The following PCCA variants were observed in gnomAD, a reference collection of about 807,000 sequenced individuals.
The protein encoded by PCCA is propionyl-CoA carboxylase alpha chain, mitochondrial.
A neutral mutation model predicts 101.3 loss-of-function variants in PCCA; 74 were observed. The ratio of observed to expected loss-of-function variants is 0.73; its 90% CI spans 0.61 to 0.89. PCCA has a LOEUF of 0.89. Among genes scored for constraint, PCCA ranks in the 40% least tolerant of loss-of-function variants. The probability of loss-of-function intolerance (pLI) is 0.00; values close to 1 mark genes in which losing one functional copy is unlikely to be tolerated. For synonymous variants in PCCA, 294 were observed against 313.6 expected (o/e 0.94, Z 0.66); for missense variants, 891 against 907.0 (o/e 0.98, Z 0.23).
intron 6 of PCCA, among the ~76,000 whole-genome samples, chr13:100,184,321 G>A (rs2057058529): frequency 6.6e-6 from 1 of 152,178 alleles, no homozygotes; most frequent in Admixed American, 6.5e-5. Context: ...ACAGTGTCTG[G>A]CTCATATATA....
intron 12 of PCCA, among the ~76,000 whole-genome samples, chr13:100,295,837 C>T (rs1245011873): frequency 6.6e-6 from 1 of 152,206 alleles, no homozygotes; most frequent in Non-Finnish European, 1.5e-5. Flanking sequence ...CAAGTTAACA[C>T]ACACTGCGTC....
intron 4 of PCCA, among the ~76,000 whole-genome samples, chr13:100,141,281 C>T (rs2051837940): frequency 6.6e-6 from 1 of 152,132 alleles, no homozygotes; most frequent in African/African-American, 2.4e-5. Flanking sequence ...TCCACCATTT[C>T]GAATGTACTC....
chr13:100,406,533 C>T (rs1379382684), intron 19 of PCCA, among the ~76,000 whole-genome samples: 2 of 152,136 alleles, frequency 1.3e-5, no homozygotes, highest in African/African-American at 4.8e-5. Context: ...GGAGAAACCC[C>T]ATCTCTACTA....
At chr13:100,257,407 T>C (rs1045873265) in intron 8 of PCCA, among the ~76,000 whole-genome samples, 188 bp from the exon 9 acceptor site, 1 of 152,138 alleles carries the variant, frequency 6.6e-6, no homozygotes, top group East Asian at 1.9e-4. Flanking sequence ...ATGGTCACAC[T>C]CTCATTTTTT....
At chr13:100,516,188 T>C (rs2086819056) in intron 22 of PCCA, among the ~76,000 whole-genome samples, 1 of 152,218 alleles carries the variant, frequency 6.6e-6, no homozygotes, top group African/African-American at 2.4e-5. Flanking sequence ...TAGAAATCTC[T>C]ACTGATGAGC....
chr13:100,414,225 C>T (rs748260540), intron 19 of PCCA, among the ~76,000 whole-genome samples: 1 of 152,080 alleles, frequency 6.6e-6, no homozygotes, highest in Non-Finnish European at 1.5e-5. Context: ...GTCATTATTA[C>T]ATATATATTT....
At chr13:100,346,962 C>T (rs2152766513) in intron 18 of PCCA, among the ~76,000 whole-genome samples, 1 of 152,214 alleles carries the variant, frequency 6.6e-6, no homozygotes, top group East Asian at 1.9e-4. Flanking sequence ...CAACCTCCGC[C>T]TCCTGTGTTC....
chr13:100,203,720 G>C (rs1453047643), intron 6 of PCCA, among the ~76,000 whole-genome samples: 1 of 152,134 alleles, frequency 6.6e-6, no homozygotes, highest in African/African-American at 2.4e-5. Context: ...ATTTTACCTT[G>C]ATATTTTATT....
intron 19 of PCCA, among the ~76,000 whole-genome samples, chr13:100,376,456 C>A (rs558177996): frequency 2.6e-5 from 4 of 152,326 alleles, no homozygotes; most frequent in African/African-American, 9.6e-5. Flanking sequence ...CACAGCTGCC[C>A]CTTCCCCCAG....
intron 8 of PCCA, among the ~76,000 whole-genome samples, chr13:100,251,005 G>A (rs2061716784): frequency 6.6e-6 from 1 of 152,064 alleles, no homozygotes; most frequent in Non-Finnish European, 1.5e-5. Context: ...AGATATAATA[G>A]TATATATACC....
Position 100,309,894 on chromosome 13 carries a change from A to G in PCCA, c.1415A>G (p.Asn472Ser), listed in dbSNP as rs775594355. 6.2e-7 allele frequency: 1 copy of G among 1,611,882 alleles called. No individual in the cohort carries two copies. Among genetic ancestry groups the G allele is most frequent in the Admixed American group, 1.7e-5 (1 of 60,010 alleles). Reference protein sequence around the residue: ...ALKRMADALDNYVIRGVTHNI... With the variant: ...ALKRMADALDSYVIRGVTHNI... Reference sequence around the variant, plus strand: ...AAGAGAATGGCAGATGCACTGGATAACTATGTTATTCGAGGTAAAAACAAA... The same window carrying G: ...AAGAGAATGGCAGATGCACTGGATAGCTATGTTATTCGAGGTAAAAACAAA... Residue 472 changes from asparagine to serine, a missense_variant, in exon 16 of 24, where the codon AAC becomes AGC. Transcript: ENST00000376285.
At chr13:100,250,363 T>C (rs1047220316) in intron 8 of PCCA, among the ~76,000 whole-genome samples, 1 of 152,178 alleles carries the variant, frequency 6.6e-6, no homozygotes, top group Admixed American at 6.5e-5. Flanking sequence ...ATTACATTAA[T>C]TGATTTTTGG....
chr13:100,470,786 G>C (rs1408681853), intron 21 of PCCA, among the ~76,000 whole-genome samples: 1 of 152,214 alleles, frequency 6.6e-6, no homozygotes, highest in Non-Finnish European at 1.5e-5. Flanking sequence ...TTGAACCCGG[G>C]AGGCGGAGGT....
intron 6 of PCCA, among the ~76,000 whole-genome samples, chr13:100,180,979 G>A (rs1380978990): frequency 2.6e-5 from 4 of 152,138 alleles, no homozygotes; most frequent in African/African-American, 4.8e-5. Flanking sequence ...GGGATTCCTG[G>A]AAAAGGAACC....
At chr13:100,524,988 G>GATAA (rs764721743) in intron 22 of PCCA, among the ~76,000 whole-genome samples, 32 of 110,336 alleles carry the variant, frequency 2.9e-4, no homozygotes, top group African/African-American at 1.2e-3. Context: ...AAGATGGATA[G>GATAA]ATAGATAGAT....
Position 100,330,570 on chromosome 13 carries a change from A to T in PCCA, c.1439A>T (p.His480Leu), listed in dbSNP as rs1315453450. 8 of 1,594,970 alleles carry T rather than the reference A, an allele frequency of 5.0e-6. No individual in the cohort carries two copies. The South Asian group carries it at 6.6e-5, about 13-fold the overall frequency. ...LDNYVIRGVTHNIALLREVII... is the reference protein window; with the variant it reads ...LDNYVIRGVTLNIALLREVII... ...ATCATTTTACTTTTAGGTGTTACAC[A>T]TAATATTGCATTACTTCGAGAGGTG... The change falls in exon 17 of 24, where the codon CAT becomes CTT. Residue 480 changes from histidine (H) to leucine (L), a missense_variant. Transcript: ENST00000376285.
At chr13:100,423,395 C>T (rs1357759908) in intron 19 of PCCA, among the ~76,000 whole-genome samples, 2 of 152,158 alleles carry the variant, frequency 1.3e-5, no homozygotes, top group East Asian at 3.8e-4. Context: ...AGATTCCCTC[C>T]TTGGATGCTA....
At chr13:100,350,571 G>A (rs982521875) in intron 18 of PCCA, among the ~76,000 whole-genome samples, 2 of 152,158 alleles carry the variant, frequency 1.3e-5, no homozygotes, top group African/African-American at 2.4e-5. Flanking sequence ...AAATCTATGT[G>A]AGATTAAGTA....
At chr13:100,527,361 C>A (rs1205919527) in intron 22 of PCCA, 1 of 502,474 alleles carries the variant, frequency 2.0e-6, no homozygotes, top group Non-Finnish European at 4.0e-6. Flanking sequence ...GGAAAACATT[C>A]CAATTTCCGA....
Sources: allele counts gnomAD v4.1 joint callset (sites outside exome capture counted in the v4.1 genomes callset), GRCh38; gene constraint gnomAD v4.1.1; transcripts MANE v1.5; gene names NCBI Gene and HGNC (gene_info 2026-07-23, HGNC 2026-07-21).